The following SSR3 variants were observed in gnomAD, a reference collection of about 807,000 sequenced individuals.
SSR3 encodes the protein signal sequence receptor subunit 3.
SSR3 carries 10 observed loss-of-function variants against 22.1 expected under a neutral mutation model. That is an observed-to-expected ratio of 0.45 (90% CI 0.28 to 0.77). The LOEUF (loss-of-function observed/expected upper bound fraction) is 0.77, where lower values mean the gene tolerates loss of function less well. Among genes scored for constraint, SSR3 ranks in the 30% least tolerant of loss-of-function variants. SSR3 has a pLI of 0.13. For missense variants in SSR3, 181 were observed against 220.5 expected (o/e 0.82, Z 1.13); for synonymous variants, 104 against 82.5 (o/e 1.26, Z -1.42).
At chr3:156,545,136 C>A (rs960837577) in intron 3 of SSR3, among the ~76,000 whole-genome samples, 2 of 152,138 alleles carry the variant, frequency 1.3e-5, no homozygotes, top group Non-Finnish European at 2.9e-5. Context: ...AGGGAGCCTT[C>A]ATTCTTGTTG....
At chr3:156,545,072 T>A (rs1353817211) in intron 3 of SSR3, among the ~76,000 whole-genome samples, 1 of 152,228 alleles carries the variant, frequency 6.6e-6, no homozygotes, top group African/African-American at 2.4e-5. Context: ...TTCATCCATC[T>A]TTTCTTTTAC....
intron 3 of SSR3, among the ~76,000 whole-genome samples, chr3:156,547,778 C>T (rs1719813600): frequency 6.6e-6 from 1 of 152,108 alleles, no homozygotes; most frequent in Non-Finnish European, 1.5e-5. Flanking sequence ...TTCCAAGATC[C>T]AGTGCCAGGA....
chr3:156,554,759 G>A (rs1158698241), intron 1 of SSR3, 198 bp downstream of exon 1: 3 of 666,944 alleles, frequency 4.5e-6, no homozygotes, highest in South Asian at 2.0e-5. Flanking sequence ...ACCTCCCCGA[G>A]TGCTGCACAG....
rs1469110245 is a variant in SSR3, at chr3:156,546,140, G to A, written c.360-1701C>T. Among the ~76,000 whole-genome samples, 3 of 152,184 alleles carry A rather than the reference G, an allele frequency of 2.0e-5. No individual in the cohort carries two copies. In the East Asian group the frequency reaches 5.8e-4, roughly 29 times the overall value. On this transcript the variant is annotated intron_variant, in intron 3 of 4. Coordinates refer to ENST00000265044, the MANE Select transcript of SSR3 (RefSeq NM_007107.5). ...TTGTAATCCCCACATGTTGAGGGAG[G>A]GACCTGGTGGGAGGTGACTGGATCA...
At position 156,544,404 on chromosome 3, in the gene SSR3, T is replaced by C; in HGVS notation, c.395A>G (p.Glu132Gly). Residue 132 changes from glutamate to glycine, a missense_variant, in exon 4 of 5, where the codon GAA becomes GGA. Transcript: ENST00000265044. Reference sequence around the variant, plus strand: ...ATAGAAGATGGAAAATGTTGTAGCTTCATAATCAGCAACTTCATTCTTCTT... The same window carrying C: ...ATAGAAGATGGAAAATGTTGTAGCTCCATAATCAGCAACTTCATTCTTCTT... ...LWKKNEVADY[E>G]ATTFSIFYNN... 1 of 1,591,426 alleles carries C rather than the reference T, an allele frequency of 6.3e-7. No individual in the cohort carries two copies. The highest frequency in any genetic ancestry group is 1.2e-5 in the South Asian group (1 of 85,684).
In SSR3 at chr3:156,539,651, A is replaced by C. The variant is rs1719350023; in HGVS notation, c.*3552T>G. On this transcript the variant is annotated 3_prime_UTR_variant, in exon 5 of 5. Coordinates refer to ENST00000265044, the MANE Select transcript of SSR3 (RefSeq NM_007107.5). ...AACCAACCCCCCAAAAGACCCTCCT[A>C]ATCTATTAATTCCTCTGCTTGGGAG... 6.6e-6 allele frequency among the ~76,000 whole-genome samples: 1 copy of C among 152,094 alleles called. No homozygotes were observed. The highest frequency in any genetic ancestry group is 2.1e-4 in the South Asian group (1 of 4,826).
At chr3:156,550,257 T>C (rs991748002) in intron 2 of SSR3, among the ~76,000 whole-genome samples, 1 of 152,196 alleles carries the variant, frequency 6.6e-6, no homozygotes, top group African/African-American at 2.4e-5. Context: ...ATAAAAAATA[T>C]ATACACACAC....
chr3:156,548,225 T>C (rs1390185507), intron 3 of SSR3, among the ~76,000 whole-genome samples: 3 of 152,206 alleles, frequency 2.0e-5, no homozygotes, highest in Admixed American at 6.5e-5. Context: ...GATGTTAAGA[T>C]TGTCCAATAA....
At chr3:156,546,821 A>T (rs956769767) in intron 3 of SSR3, among the ~76,000 whole-genome samples, 1 of 152,254 alleles carries the variant, frequency 6.6e-6, no homozygotes, top group East Asian at 1.9e-4. Flanking sequence ...AATGAATGTT[A>T]ATGAATCTCA....
intron 2 of SSR3, among the ~76,000 whole-genome samples, chr3:156,550,948 C>T (rs1378126348): frequency 6.6e-6 from 1 of 152,142 alleles, no homozygotes; most frequent in African/African-American, 2.4e-5. Context: ...AAATTATGCC[C>T]ACGGCCACAC....
Position 156,544,187 on chromosome 3 carries a change from A to G in SSR3, c.491+121T>C, listed in dbSNP as rs528158395. 6.2e-4 allele frequency: 502 copies of G among 803,454 alleles called. 1 individual carries two copies. The highest frequency in any genetic ancestry group is 3.1e-3 in the Middle Eastern group (8 of 2,570). 49.8% of individuals were successfully genotyped at this position (803,454 alleles called of 1,614,324 possible). A position where few individuals can be genotyped will look rare whatever the true frequency, so the allele number is the denominator to read the frequency against. ...CAGAAAGTTATCTAAAGTCAGCACT[A>G]TTTAATGGACTGACTCCCAGAGCAG... On this transcript the variant is annotated intron_variant, in intron 4 of 4. Transcript: ENST00000265044.
At chr3:156,548,720 AT>A (rs745424198) in intron 3 of SSR3, 184 bp downstream of exon 3, 196 of 705,286 alleles carry the variant, frequency 2.8e-4, no homozygotes, top group Middle Eastern at 1.5e-3. Context: ...TACAGCACAG[AT>A]AAAAGTATCT....
intron 3 of SSR3, among the ~76,000 whole-genome samples, chr3:156,546,647 A>G (rs1347661145): frequency 6.6e-6 from 1 of 152,206 alleles, no homozygotes; most frequent in Non-Finnish European, 1.5e-5. Flanking sequence ...TCTGCCTAGT[A>G]GAAGACATTT....
intron 2 of SSR3, chr3:156,551,468 G>A (rs1719952516): frequency 6.6e-6 from 1 of 152,078 alleles, no homozygotes; most frequent in Admixed American, 6.6e-5. Context: ...CCCATACAGT[G>A]GAGGCCCACA....
intron 3 of SSR3, among the ~76,000 whole-genome samples, chr3:156,548,632 T>A (rs1487534664): frequency 6.6e-6 from 1 of 152,212 alleles, no homozygotes; most frequent in African/African-American, 2.4e-5. Context: ...TTCTGTACCT[T>A]TGTTGCCTCA....
chr3:156,549,567 C>T (rs552736124), intron 2 of SSR3, among the ~76,000 whole-genome samples: 47 of 152,236 alleles, frequency 3.1e-4, no homozygotes, highest in African/African-American at 9.4e-4. Flanking sequence ...CAATCTTGAT[C>T]TTCAACTACA....
At chr3:156,547,561 T>C (rs1307344141) in intron 3 of SSR3, among the ~76,000 whole-genome samples, 1 of 152,178 alleles carries the variant, frequency 6.6e-6, no homozygotes, top group Non-Finnish European at 1.5e-5. Context: ...AAACAAGCAA[T>C]TGGAAAGCTA....
chr3:156,544,395 G>A lies in SSR3; in HGVS notation c.404C>T (p.Thr135Ile). The A allele has an allele frequency of 6.3e-7, 1 of 1,593,310 alleles. No individual in the cohort carries two copies. Among genetic ancestry groups the A allele is most frequent in the Non-Finnish European group, 8.5e-7 (1 of 1,169,974 alleles). The change falls in exon 4 of 5, where the codon ACA becomes ATA. Residue 135 changes from threonine to isoleucine, a missense_variant. Thr to Ile is a moderately conservative substitution (Grantham distance 89). Transcript: ENST00000265044. ...AGTGTTGTTATAGAAGATGGAAAAT[G>A]TTGTAGCTTCATAATCAGCAACTTC... ...KNEVADYEATTFSIFYNNTLF... is the reference protein window; with the variant it reads ...KNEVADYEATIFSIFYNNTLF...
At chr3:156,547,764 GT>G in intron 3 of SSR3, among the ~76,000 whole-genome samples, 1 of 152,284 alleles carries the variant, frequency 6.6e-6, no homozygotes, top group Non-Finnish European at 1.5e-5. Flanking sequence ...ACTTGATAAA[GT>G]ATTTCCAAGA....
Sources: allele counts gnomAD v4.1 joint callset (sites outside exome capture counted in the v4.1 genomes callset), GRCh38; gene constraint gnomAD v4.1.1; transcripts MANE v1.5; gene names NCBI Gene and HGNC (gene_info 2026-07-23, HGNC 2026-07-21).